SPDYE1: variants seen among roughly 807,000 people sequenced by gnomAD.
SPDYE1 encodes speedy/RINGO cell cycle regulator family member E1, also known as speedy protein E1.
Under a neutral mutation model 45.9 loss-of-function variants are expected in SPDYE1, and 29 were observed. The ratio of observed to expected loss-of-function variants is 0.63; its 90% CI spans 0.47 to 0.86. The LOEUF (loss-of-function observed/expected upper bound fraction) is 0.86, where lower values mean the gene tolerates loss of function less well. SPDYE1 is among the 40% of genes least tolerant of loss of function. The probability of loss-of-function intolerance (pLI) is 0.00; values close to 1 mark genes in which losing one functional copy is unlikely to be tolerated. For synonymous variants in SPDYE1, 134 were observed against 176.8 expected, an observed-to-expected ratio of 0.76 and a Z score of 1.92; for missense variants, 346 against 481.4, an observed-to-expected ratio of 0.72 and a Z score of 2.63.
At chr7:43,998,126 C>T (rs3987992) in intron 1 of SPDYE1, among the ~76,000 whole-genome samples, 167 bp downstream of exon 1, 56,469 of 151,198 alleles carry the variant, frequency 0.37, 10,614 homozygotes, top group South Asian at 0.49. Flanking sequence ...TGTAGGAGGA[C>T]CCACCCAGCT....
chr7:44,002,401 C>T (rs1340801171), intron 3 of SPDYE1, among the ~76,000 whole-genome samples, 189 bp from the exon 4 acceptor site: 3 of 135,412 alleles, frequency 2.2e-5, no homozygotes, highest in East Asian at 2.1e-4. Flanking sequence ...GACAGAGAAA[C>T]GGGAGAATGG....
intron 8 of SPDYE1, among the ~76,000 whole-genome samples, chr7:44,008,349 C>T (rs948087639): frequency 7.2e-5 from 11 of 152,200 alleles, no homozygotes; most frequent in Admixed American, 3.3e-4. Flanking sequence ...CACAAAAGGC[C>T]TCAGCTGTGA....
intron 6 of SPDYE1, 69 bp from the exon 7 acceptor site, chr7:44,007,199 G>C: frequency 3.1e-6 from 5 of 1,611,824 alleles, no homozygotes; most frequent in Non-Finnish European, 3.4e-6. Context: ...TTCCTCTCTG[G>C]GAAGCTGACC....
At chr7:44,005,280 G>A in intron 6 of SPDYE1, 53 bp downstream of exon 6, 2 of 1,588,752 alleles carry the variant, frequency 1.3e-6, no homozygotes, top group Non-Finnish European at 1.7e-6. Flanking sequence ...TGGGACAGCG[G>A]GGGAAGTGGG....
chr7:43,999,623 C>T lies in SPDYE1; in HGVS notation c.-327C>T, dbSNP rs1062112. On this transcript the variant is annotated 5_prime_UTR_variant, in exon 2 of 9. Coordinates refer to ENST00000693451, the MANE Select transcript of SPDYE1 (RefSeq NM_001378423.2). ...ACACAGCCTCTGCTGGGACAGGGAA[C>T]AGAGGGATGTGGAGTCCCTGAAGAT... Among the ~76,000 whole-genome samples the T allele has an allele frequency of 2.7e-5, 4 of 149,394 alleles. No individual in the cohort carries two copies. Among genetic ancestry groups the T allele is most frequent in the East Asian group, 3.9e-4 (2 of 5,130 alleles).
intron 3 of SPDYE1, among the ~76,000 whole-genome samples, chr7:44,001,934 T>C (rs1585931611): frequency 1.4e-5 from 2 of 144,466 alleles, no homozygotes; most frequent in Non-Finnish European, 3.0e-5. Flanking sequence ...AGTGAGACGC[T>C]GTCTCAAAAA....
chr7:44,005,420 G>C (rs1277825123), intron 6 of SPDYE1, 193 bp downstream of exon 6: 23 of 871,992 alleles, frequency 2.6e-5, no homozygotes, highest in Non-Finnish European at 4.0e-5. Flanking sequence ...GAATACGCCT[G>C]TAATCCCAGC....
intron 6 of SPDYE1, 130 bp from the exon 7 acceptor site, chr7:44,007,138 T>C (rs550675255): frequency 6.3e-7 from 1 of 1,577,750 alleles, no homozygotes; most frequent in South Asian, 1.2e-5. Flanking sequence ...GAGGAAGGCA[T>C]GGCTCTCTGC....
In SPDYE1 at chr7:44,007,375, G is replaced by C; in HGVS notation, c.860G>C (p.Arg287Pro). ...CGCATACCCTTGCTCCGTAAGCGTC[G>C]GTTCCAGTTATACCGTTCCATGAAC... Reference protein sequence around the residue: ...RSRIPLLRKRRFQLYRSMNPR... With the variant: ...RSRIPLLRKRPFQLYRSMNPR... The change falls in exon 7 of 9, where the codon CGG becomes CCG. Residue 287 changes from arginine (R) to proline (P), a missense_variant. Physicochemically the swap from Arg to Pro is moderately radical, Grantham distance 103. Transcript: ENST00000693451. 1.2e-6 allele frequency: 2 copies of C among 1,613,124 alleles called. No individual in the cohort carries two copies. Among genetic ancestry groups the C allele is most frequent in the Non-Finnish European group, 1.7e-6 (2 of 1,179,454 alleles).
chr7:44,006,104 C>G (rs1162857933), intron 6 of SPDYE1, among the ~76,000 whole-genome samples: 8 of 152,218 alleles, frequency 5.3e-5, no homozygotes, highest in Admixed American at 5.2e-4. Flanking sequence ...AGTATCAATT[C>G]TACCCTCTCT....
intron 6 of SPDYE1, among the ~76,000 whole-genome samples, chr7:44,005,552 T>C (rs1326487591): frequency 6.6e-6 from 1 of 151,670 alleles, no homozygotes; most frequent in Non-Finnish European, 1.5e-5. Flanking sequence ...GTGGTGTGCA[T>C]CTGTAATCCC....
intron 1 of SPDYE1, among the ~76,000 whole-genome samples, 70 bp from the exon 2 acceptor site, chr7:43,999,458 C>G (rs1230355398): frequency 1.3e-5 from 2 of 151,264 alleles, no homozygotes; most frequent in East Asian, 3.9e-4. Context: ...ATGATAATCT[C>G]ACTCTTATAA....
At chr7:44,001,891 G>A (rs2096063594) in intron 3 of SPDYE1, among the ~76,000 whole-genome samples, 1 of 151,268 alleles carries the variant, frequency 6.6e-6, no homozygotes, top group East Asian at 1.9e-4. Flanking sequence ...TTTGAGCCAA[G>A]ATAGTGCCAC....
At position 44,000,015 on chromosome 7, in the gene SPDYE1, T is replaced by C. The variant is rs767966039; in HGVS notation, c.66T>C (p.Arg22=). The change falls in exon 2 of 9, where the codon CGT becomes CGC. Residue 22 remains arginine (R), a synonymous_variant. Coordinates refer to ENST00000693451, the MANE Select transcript of SPDYE1 (RefSeq NM_001378423.2). ...TTACGGGAAAGATCACGACCAGCCG[T>C]CAACCGCACCGCCAGAATGAGCAGA... ...GQITGKITTS[R]QPHRQNEQSP... is the part of the protein sequence containing the mutation. The C allele has an allele frequency of 5.1e-6, 5 of 985,174 alleles. No individual in the cohort carries two copies. The Admixed American group carries it at 2.5e-4, about 49-fold the overall frequency. 61.0% of individuals were successfully genotyped at this position (985,174 alleles called of 1,614,324 possible).
chr7:44,007,831 G>T lies in SPDYE1; in HGVS notation c.*45+18G>T. 1.3e-6 allele frequency: 2 copies of T among 1,598,154 alleles called. No individual in the cohort carries two copies. Among genetic ancestry groups the T allele is most frequent in the Non-Finnish European group, 1.7e-6 (2 of 1,175,892 alleles). On this transcript the variant is annotated intron_variant, in intron 8 of 8. Coordinates refer to ENST00000693451, the MANE Select transcript of SPDYE1 (RefSeq NM_001378423.2). ...GAGAGAAGGTACATCTGCATCCTCC[G>T]GGGTAAAGGCAGAATATTGGGGTCT...
At chr7:44,000,348 C>A (rs1319029617) in intron 2 of SPDYE1, among the ~76,000 whole-genome samples, 5 of 149,834 alleles carry the variant, frequency 3.3e-5, no homozygotes, top group African/African-American at 1.2e-4. Context: ...ACTCAGGAGG[C>A]TGAGACAGGA....
rs918258540 is a variant in SPDYE1, at chr7:44,007,544, C to T, written c.1029C>T (p.Ser343=). 6.2e-7 allele frequency: 1 copy of T among 1,613,466 alleles called. No individual in the cohort carries two copies. Among genetic ancestry groups the T allele is most frequent in the Non-Finnish European group, 8.5e-7 (1 of 1,180,052 alleles). ...FQKRRFHFFC[S]MSCRAWVSPE... ...AACGTCGGTTCCACTTCTTCTGTTC[C>T]ATGAGCTGCAGGGCTTGGGTTTCCC... Residue 343 remains serine (S), a synonymous_variant, in exon 7 of 9, where the codon TCC becomes TCT. Coordinates refer to ENST00000693451, the MANE Select transcript of SPDYE1 (RefSeq NM_001378423.2).
chr7:44,004,844 G>C, intron 5 of SPDYE1: 1 of 502,248 alleles, frequency 2.0e-6, no homozygotes. Flanking sequence ...ACAGTTCTCT[G>C]CCTGGCACAC....
Position 44,007,281 on chromosome 7 carries a change from G to C in SPDYE1, c.766G>C (p.Asp256His). The C allele has an allele frequency of 6.2e-7, 1 of 1,612,696 alleles. No individual in the cohort carries two copies. The highest frequency in any genetic ancestry group is 1.7e-5 in the Admixed American group (1 of 60,020). Residue 256 changes from aspartate to histidine, a missense_variant, in exon 7 of 9, where the codon GAC (aspartate) becomes CAC (histidine). Physicochemically the swap from Asp to His is moderately conservative, Grantham distance 81. Coordinates refer to ENST00000693451, the MANE Select transcript of SPDYE1 (RefSeq NM_001378423.2). Reference protein sequence around the residue: ...HFFLALYLANDMEEDDEDSKQ... With the variant: ...HFFLALYLANHMEEDDEDSKQ... Reference sequence around the variant, plus strand: ...TCCTGTCCTCAGCTACCTGGCCAATGACATGGAGGAGGACGACGAGGACTC... The same window carrying C: ...TCCTGTCCTCAGCTACCTGGCCAATCACATGGAGGAGGACGACGAGGACTC...
Sources: allele counts gnomAD v4.1 joint callset (sites outside exome capture counted in the v4.1 genomes callset), GRCh38; gene constraint gnomAD v4.1.1; transcripts MANE v1.5; gene names NCBI Gene and HGNC (gene_info 2026-07-23, HGNC 2026-07-21).